Variants in SLC1A7 observed in about 807,000 individuals in gnomAD.
SLC1A7 encodes the protein excitatory amino acid transporter 5.
Under a neutral mutation model 47.7 loss-of-function variants are expected in SLC1A7, and 40 were observed. That is an observed-to-expected ratio of 0.84 (90% confidence interval 0.65 to 1.09). SLC1A7 has a LOEUF of 1.09. Among genes scored for constraint, SLC1A7 ranks in the 50% least tolerant of loss-of-function variants. SLC1A7 has a pLI of 0.00. For synonymous variants in SLC1A7, 323 were observed against 325.6 expected, an observed-to-expected ratio of 0.99 and a Z score of 0.09; for missense variants, 746 against 769.5, an observed-to-expected ratio of 0.97 and a Z score of 0.36.
chr1:53,097,233 C>A (rs769645200), intron 5 of SLC1A7, among the ~76,000 whole-genome samples: 29 of 141,018 alleles, frequency 2.1e-4, no homozygotes, highest in Non-Finnish European at 2.2e-4. Flanking sequence ...ACGCACCCTG[C>A]CTCGGTACAC....
intron 5 of SLC1A7, among the ~76,000 whole-genome samples, chr1:53,099,945 C>T (rs927378050): frequency 5.3e-5 from 8 of 151,306 alleles, no homozygotes; most frequent in African/African-American, 1.9e-4. Flanking sequence ...ATTCACACAC[C>T]ACACCACCTC....
rs776184320 is a variant in SLC1A7, at chr1:53,114,916, G to C, written c.273C>G (p.Leu91=). The C allele has an allele frequency of 1.2e-6, 2 of 1,614,202 alleles. No homozygotes were observed. The highest frequency in any genetic ancestry group is 1.7e-6 in the Non-Finnish European group (2 of 1,180,034). Residue 91 remains leucine (L), a synonymous_variant, in exon 3 of 11, where the codon CTC becomes CTG. Coordinates refer to ENST00000371494, the MANE Select transcript of SLC1A7 (RefSeq NM_006671.6). ...DAKTSSRLGV[L]TVAYYLWTTF... ...TGGTCCACAGGTAGTACGCCACGGT[G>C]AGGACGCCCAGGCGGCTAGAGGTCT...
chr1:53,091,047 G>A, intron 7 of SLC1A7: 1 of 1,219,390 alleles, frequency 8.2e-7, no homozygotes, highest in Non-Finnish European at 1.1e-6. Context: ...GGGCGGGGCT[G>A]ACCCATGTCA....
At chr1:53,095,819 C>A in intron 5 of SLC1A7, among the ~76,000 whole-genome samples, 1 of 150,736 alleles carries the variant, frequency 6.6e-6, no homozygotes, top group South Asian at 2.1e-4. Context: ...TTGGTACACT[C>A]ACACACACTG....
At chr1:53,124,254 ACACACACACAC>A (rs200654058) in intron 2 of SLC1A7, among the ~76,000 whole-genome samples, 18,318 of 150,444 alleles carry the variant, frequency 0.12, 1,436 homozygotes, top group Non-Finnish European at 0.17. Flanking sequence ...TACACAACAC[ACACACACACAC>A]ACACACACAC....
At chr1:53,091,041 G>A (rs920499155) in intron 7 of SLC1A7, 23 of 1,279,520 alleles carry the variant, frequency 1.8e-5, no homozygotes, top group East Asian at 1.5e-4. Context: ...CCCAGAGGGC[G>A]GGGCTGACCC....
intron 5 of SLC1A7, among the ~76,000 whole-genome samples, chr1:53,095,918 G>C (rs1229208024): frequency 1.4e-5 from 2 of 144,548 alleles, no homozygotes; most frequent in African/African-American, 5.2e-5. Flanking sequence ...AACCCGCCTC[G>C]GTACACTCAC....
chr1:53,088,144 G>A lies in SLC1A7; in HGVS notation c.1548C>T (p.Ala516=), dbSNP rs1190944226. The part of the protein sequence containing the change: ...AQQNGCVKSV[A]EASELTLGPT... ...GGCCCAGGGTGAGCTCGGAGGCCTCGGCTACACTCTTCACACAGCCATTCT... is the reference window on the plus strand; with the variant it reads ...GGCCCAGGGTGAGCTCGGAGGCCTCAGCTACACTCTTCACACAGCCATTCT... Residue 516 remains alanine (A), a synonymous_variant, in exon 11 of 11, where the codon GCC becomes GCT. Transcript: ENST00000371494. 2.5e-6 allele frequency: 4 copies of A among 1,613,400 alleles called. No individual in the cohort carries two copies. Among genetic ancestry groups the A allele is most frequent in the East Asian group, 2.2e-5 (1 of 44,862 alleles).
chr1:53,088,158 C>T lies in SLC1A7; in HGVS notation c.1534G>A (p.Val512Met). The change falls in exon 11 of 11, where the codon GTG (valine) becomes ATG (methionine). Residue 512 changes from valine to methionine, a missense_variant. Val to Met is a conservative substitution (Grantham distance 21). Transcript: ENST00000371494. ...EIVAAQQNGCVKSVAEASELT... is the reference protein window; with the variant it reads ...EIVAAQQNGCMKSVAEASELT... The stretch of plus-strand genomic sequence containing the variant: ...TCGGAGGCCTCGGCTACACTCTTCA[C>T]ACAGCCATTCTGCTGGGCTGCCACG... 6.2e-7 allele frequency: 1 copy of T among 1,613,634 alleles called. No individual in the cohort carries two copies. Among genetic ancestry groups the T allele is most frequent in the Non-Finnish European group, 8.5e-7 (1 of 1,179,810 alleles).
rs376379673 is a variant in SLC1A7 at position 53,131,325 on chromosome 1, T to C, written c.215+3025A>G. ...CCTGGCCTCTGACTTCTGAACAGGA[T>C]TTTTTTGTTTTGAGTGACTTGTCCA... On this transcript the variant is annotated intron_variant, in intron 2 of 10. Transcript: ENST00000371494. Among the ~76,000 whole-genome samples the C allele has an allele frequency of 4.2e-4, 64 of 152,286 alleles. 1 individual carries two copies. The East Asian group carries it at 8.3e-3, about 20-fold the overall frequency.
chr1:53,116,447 A>T (rs1375326285), intron 2 of SLC1A7, among the ~76,000 whole-genome samples: 2 of 152,196 alleles, frequency 1.3e-5, no homozygotes, highest in African/African-American at 4.8e-5. Flanking sequence ...CTGCTGAGTG[A>T]AGGAGTGAGT....
intron 1 of SLC1A7, among the ~76,000 whole-genome samples, chr1:53,136,566 TAAACATATATA>T (rs1557693299): frequency 1.2e-3 from 140 of 113,562 alleles, no homozygotes; most frequent in Non-Finnish European, 1.8e-3. Flanking sequence ...AACATATATA[TAAACATATATA>T]ATATATAAAC....
chr1:53,114,858 C>A lies in SLC1A7; in HGVS notation c.331G>T (p.Val111Phe). The A allele has an allele frequency of 6.2e-7, 1 of 1,614,202 alleles. No individual in the cohort carries two copies. Among genetic ancestry groups the A allele is most frequent in the Non-Finnish European group, 8.5e-7 (1 of 1,180,028 alleles). Reference protein sequence around the residue: ...FMAVIVGIFMVSIIHPGSAAQ... With the variant: ...FMAVIVGIFMFSIIHPGSAAQ... ...GCGCTGCCTGGGTGGATGATGGAGACCATGAAGATGCCCACGATGACAGCC... is the reference window on the plus strand; with the variant it reads ...GCGCTGCCTGGGTGGATGATGGAGAACATGAAGATGCCCACGATGACAGCC... The change falls in exon 3 of 11, where the codon GTC (valine) becomes TTC (phenylalanine). Residue 111 changes from valine to phenylalanine, a missense_variant. Transcript: ENST00000371494.
At chr1:53,090,081 C>T (rs1225307761) in intron 8 of SLC1A7, 147 bp from the exon 9 acceptor site, 1 of 784,664 alleles carries the variant, frequency 1.3e-6, no homozygotes, top group African/African-American at 1.7e-5. Context: ...CCAGGGAGCT[C>T]TCGGGGTCAA....
intron 6 of SLC1A7, 43 bp from the exon 7 acceptor site, chr1:53,092,830 G>A (rs753583984): frequency 7.7e-7 from 1 of 1,301,400 alleles, no homozygotes; most frequent in Non-Finnish European, 1.1e-6. Flanking sequence ...CAGGCAGGCA[G>A]ACACACCCCG....
chr1:53,131,012 C>T (rs1644937161), intron 2 of SLC1A7, among the ~76,000 whole-genome samples: 1 of 152,200 alleles, frequency 6.6e-6, no homozygotes, highest in South Asian at 2.1e-4. Context: ...ATTTTCCCTT[C>T]ATAGGAAAAT....
At chr1:53,089,703 T>A (rs1348794140) in intron 9 of SLC1A7, 97 bp downstream of exon 9, 1 of 1,322,512 alleles carries the variant, frequency 7.6e-7, no homozygotes, top group Admixed American at 1.8e-5. Flanking sequence ...CCCAGCCTTC[T>A]ACCCTGGGGA....
At chr1:53,092,955 A>G (rs1046523468) in intron 6 of SLC1A7, among the ~76,000 whole-genome samples, 168 bp from the exon 7 acceptor site, 2 of 151,790 alleles carry the variant, frequency 1.3e-5, no homozygotes, top group African/African-American at 2.4e-5. Flanking sequence ...CGTCCTTCAT[A>G]CCGTTACTTC....
At chr1:53,139,124 C>T (rs146801400) in intron 1 of SLC1A7, among the ~76,000 whole-genome samples, 17 of 152,296 alleles carry the variant, frequency 1.1e-4, no homozygotes, top group African/African-American at 2.9e-4. Context: ...AAGTTTGAAG[C>T]GCTAAACTTC....
Sources: gnomAD v4.1 joint callset for allele counts (sites outside exome capture counted in the v4.1 genomes callset) on GRCh38, gnomAD v4.1.1 for gene constraint, MANE v1.5 for transcripts, NCBI Gene and HGNC (gene_info 2026-07-23, HGNC 2026-07-21) for gene names.